The following FGF14 variants were observed in gnomAD, a reference collection of about 807,000 sequenced individuals.
The protein encoded by FGF14 is fibroblast growth factor 14, also known as fibroblast growth factor homologous factor 4.
FGF14 carries 5 observed loss-of-function variants against 25.5 expected under a neutral mutation model. The observed-to-expected ratio is 0.20, with a 90% confidence interval of 0.10 to 0.41. The LOEUF (loss-of-function observed/expected upper bound fraction) is 0.41, where lower values mean the gene tolerates loss of function less well. Among genes scored for constraint, FGF14 ranks in the 10% least tolerant of loss-of-function variants. The probability of loss-of-function intolerance (pLI) is 1.00; values close to 1 mark genes in which losing one functional copy is unlikely to be tolerated. For synonymous variants in FGF14, 138 were observed against 118.3 expected (o/e 1.17, Z -1.08); for missense variants, 222 against 320.1 (o/e 0.69, Z 2.34).
intron 1 of FGF14, among the ~76,000 whole-genome samples, chr13:102,181,136 T>G (rs550842926): frequency 6.6e-6 from 1 of 152,280 alleles, no homozygotes; most frequent in South Asian, 2.1e-4. Context: ...AGTTTGATGA[T>G]AAAGAAAGCT....
At chr13:101,953,258 G>C (rs141701228) in intron 1 of FGF14, among the ~76,000 whole-genome samples, 1 of 152,038 alleles carries the variant, frequency 6.6e-6, no homozygotes, top group African/African-American at 2.4e-5. Flanking sequence ...GTGCACCAAC[G>C]GTTTTATATT....
At chr13:102,393,291 C>A (rs996037273) in intron 1 of FGF14, among the ~76,000 whole-genome samples, 3 of 152,198 alleles carry the variant, frequency 2.0e-5, no homozygotes, top group African/African-American at 7.2e-5. Context: ...AGGAAGAACT[C>A]TTCTTCACCC....
intron 3 of FGF14, among the ~76,000 whole-genome samples, chr13:101,745,346 T>C (rs1416763050): frequency 1.3e-5 from 2 of 152,038 alleles, no homozygotes; most frequent in Admixed American, 6.6e-5. Context: ...TGAACCTACA[T>C]TGGCACATTA....
intron 1 of FGF14, among the ~76,000 whole-genome samples, chr13:102,049,472 C>T (rs912847064): frequency 6.6e-6 from 1 of 151,858 alleles, no homozygotes; most frequent in Non-Finnish European, 1.5e-5. Context: ...TTCAAAACAA[C>T]AAAAAAATAG....
At chr13:101,781,621 T>C (rs539863932) in intron 3 of FGF14, among the ~76,000 whole-genome samples, 1 of 152,374 alleles carries the variant, frequency 6.6e-6, no homozygotes, top group East Asian at 1.9e-4. Flanking sequence ...AAGCCTCTGA[T>C]TTTAGAATTT....
At chr13:101,793,640 T>C (rs1172295530) in intron 3 of FGF14, among the ~76,000 whole-genome samples, 4 of 152,064 alleles carry the variant, frequency 2.6e-5, no homozygotes, top group Middle Eastern at 3.2e-3. Flanking sequence ...TTTTAGTTAT[T>C]TGAGGAACCT....
At chr13:102,154,077 G>A (rs1000749472) in intron 1 of FGF14, among the ~76,000 whole-genome samples, 1 of 152,008 alleles carries the variant, frequency 6.6e-6, no homozygotes, top group Non-Finnish European at 1.5e-5. Flanking sequence ...TGGTATCCAC[G>A]AGAATAACAA....
chr13:102,036,193 T>G (rs1039959122), intron 1 of FGF14, among the ~76,000 whole-genome samples: 5 of 152,096 alleles, frequency 3.3e-5, no homozygotes, highest in Non-Finnish European at 7.4e-5. Context: ...AAGCACAGTG[T>G]CAATGCCTTT....
At chr13:101,901,047 T>G (rs989378188) in intron 1 of FGF14, among the ~76,000 whole-genome samples, 1 of 152,120 alleles carries the variant, frequency 6.6e-6, no homozygotes, top group Non-Finnish European at 1.5e-5. Context: ...AAGAAATGCC[T>G]TTTAGAGGAG....
At chr13:102,058,801 T>C (rs1222064747) in intron 1 of FGF14, among the ~76,000 whole-genome samples, 1 of 152,202 alleles carries the variant, frequency 6.6e-6, no homozygotes, top group Non-Finnish European at 1.5e-5. Context: ...TTTCCCCTAC[T>C]GCTTATTTTT....
intron 1 of FGF14, among the ~76,000 whole-genome samples, chr13:102,159,139 C>CAAAAAAA (rs1228096265): frequency 1.3e-5 from 1 of 74,106 alleles, no homozygotes; most frequent in Non-Finnish European, 2.7e-5. Context: ...GACTCTGTCT[C>CAAAAAAA]AAAAAAAAAA....
chr13:102,027,895 G>A (rs1188292028), intron 1 of FGF14, among the ~76,000 whole-genome samples: 1 of 152,012 alleles, frequency 6.6e-6, no homozygotes, highest in Non-Finnish European at 1.5e-5. Context: ...CACCAAAGGA[G>A]GTGACAATCT....
At chr13:102,362,860 C>G (rs1372212892) in intron 1 of FGF14, among the ~76,000 whole-genome samples, 1 of 151,934 alleles carries the variant, frequency 6.6e-6, no homozygotes, top group Non-Finnish European at 1.5e-5. Flanking sequence ...TTTTCAAAAT[C>G]AGATTAAAAT....
chr13:102,287,942 A>T (rs953150131), intron 1 of FGF14, among the ~76,000 whole-genome samples: 6 of 152,218 alleles, frequency 3.9e-5, no homozygotes, highest in African/African-American at 1.4e-4. Context: ...CAATAAATAA[A>T]TGAGAATCTT....
chr13:102,013,148 C>G (rs7358803), intron 1 of FGF14, among the ~76,000 whole-genome samples: 1 of 152,022 alleles, frequency 6.6e-6, no homozygotes, highest in African/African-American at 2.4e-5. Flanking sequence ...GAGCAGAACC[C>G]TGTCACACAC....
intron 1 of FGF14, among the ~76,000 whole-genome samples, chr13:102,003,664 GCTTT>G (rs1387354819): frequency 2.2e-5 from 3 of 135,438 alleles, no homozygotes; most frequent in Non-Finnish European, 4.6e-5. Flanking sequence ...CAAGGGGTTA[GCTTT>G]TTTTTTTTTT....
intron 1 of FGF14, among the ~76,000 whole-genome samples, chr13:102,047,369 T>C (rs1352316621): frequency 6.6e-6 from 1 of 152,174 alleles, no homozygotes; most frequent in East Asian, 1.9e-4. Flanking sequence ...TAATCATTTC[T>C]GCTCTTGAGG....
chr13:102,139,258 G>C (rs1452024335), intron 1 of FGF14, among the ~76,000 whole-genome samples: 1 of 151,986 alleles, frequency 6.6e-6, no homozygotes, highest in African/African-American at 2.4e-5. Flanking sequence ...CCACTAGCCA[G>C]GCGTGGTAGC....
intron 1 of FGF14, among the ~76,000 whole-genome samples, chr13:102,165,809 A>G (rs1299431800): frequency 5.4e-5 from 8 of 148,950 alleles, no homozygotes; most frequent in African/African-American, 1.7e-4. Context: ...TTAAAGTATA[A>G]TAATAATAAT....
Sources: allele counts gnomAD v4.1 joint callset (sites outside exome capture counted in the v4.1 genomes callset), GRCh38; gene constraint gnomAD v4.1.1; transcripts MANE v1.5; gene names NCBI Gene and HGNC (gene_info 2026-07-23, HGNC 2026-07-21).